The following NFAT5 variants were observed in gnomAD, a reference collection of about 807,000 sequenced individuals.
NFAT5 encodes nuclear factor of activated T cells 5, also known as nuclear factor of activated T-cells 5.
In NFAT5, 31 loss-of-function variants were observed where a neutral mutation model predicts 166.5. The ratio of observed to expected loss-of-function variants is 0.19; its 90% CI spans 0.14 to 0.25. The LOEUF is 0.25. Ranked by LOEUF, NFAT5 falls within the 10% of genes least tolerant of loss-of-function variation. The pLI, the probability that NFAT5 is intolerant of heterozygous loss-of-function variation, is 1.00. For synonymous variants in NFAT5, 612 were observed against 639.7 expected (o/e 0.96, Z 0.65); for missense variants, 1,449 against 1,821.8 (o/e 0.80, Z 3.72).
intron 4 of NFAT5, among the ~76,000 whole-genome samples, chr16:69,652,784 G>T (rs1455977554): frequency 2.1e-5 from 3 of 142,860 alleles, no homozygotes; most frequent in Non-Finnish European, 4.6e-5. Context: ...TTCTTTTACT[G>T]TGCAGTTAAA....
At chr16:69,578,605 C>T (rs2031456553) in intron 2 of NFAT5, among the ~76,000 whole-genome samples, 2 of 152,050 alleles carry the variant, frequency 1.3e-5, no homozygotes, top group Non-Finnish European at 2.9e-5. Context: ...TGACCATAAG[C>T]CAAACACAGA....
At chr16:69,648,450 A>G (rs774142668) in intron 4 of NFAT5, 42 of 947,902 alleles carry the variant, frequency 4.4e-5, no homozygotes, top group Admixed American at 6.2e-5. Context: ...CAGAGTCGAT[A>G]TTTTTTTTAA....
chr16:69,575,415 G>A (rs1037289127), intron 2 of NFAT5, among the ~76,000 whole-genome samples: 15 of 151,760 alleles, frequency 9.9e-5, no homozygotes, highest in African/African-American at 1.5e-4. Context: ...TGATCCGCCC[G>A]CCTCAGCCTC....
chr16:69,607,655 T>C (rs1410709316), intron 2 of NFAT5, among the ~76,000 whole-genome samples: 1 of 152,224 alleles, frequency 6.6e-6, no homozygotes, highest in Non-Finnish European at 1.5e-5. Context: ...GCATAGCCAC[T>C]GGCAAATGGA....
intron 2 of NFAT5, among the ~76,000 whole-genome samples, chr16:69,606,168 GT>G (rs2033397150): frequency 6.6e-6 from 1 of 152,168 alleles, no homozygotes; most frequent in South Asian, 2.1e-4. Context: ...ACCACTCACT[GT>G]TCTCGTCTTT....
chr16:69,689,041 A>G (rs1256234695), intron 11 of NFAT5, among the ~76,000 whole-genome samples: 2 of 152,188 alleles, frequency 1.3e-5, no homozygotes, highest in Non-Finnish European at 2.9e-5. Flanking sequence ...TGGGCAGCCT[A>G]GTAGGGAGGA....
Position 69,566,470 on chromosome 16 carries a change from G to C in NFAT5, c.73+96G>C. On this transcript the variant is annotated intron_variant, in intron 1 of 14. Coordinates refer to ENST00000349945, the MANE Select transcript of NFAT5 (RefSeq NM_138713.4). The surrounding 1 kb of genome is among the most constrained non-coding windows in gnomAD (Gnocchi z 5.7). ...GGCGAGGGGTCCCCGTCCCGCCGGG[G>C]GCGGCTGAGCCGCGACCCCCATGGC... 9.1e-7 allele frequency: 1 copy of C among 1,102,204 alleles called. No homozygotes were observed. The highest frequency in any genetic ancestry group is 1.3e-6 in the Non-Finnish European group (1 of 747,774). The allele number at this position is 1,102,204 out of a possible 1,614,324, so 68.3% of individuals were successfully genotyped here. A position where few individuals can be genotyped will look rare whatever the true frequency, so the allele number is the denominator to read the frequency against.
intron 9 of NFAT5, 103 bp downstream of exon 9, chr16:69,670,391 T>C: frequency 1.4e-6 from 1 of 699,860 alleles, no homozygotes. Flanking sequence ...CTTCTTCCTA[T>C]GGGATTGATA....
intron 2 of NFAT5, among the ~76,000 whole-genome samples, chr16:69,571,761 T>A (rs1255482969): frequency 6.6e-6 from 1 of 151,550 alleles, no homozygotes; most frequent in African/African-American, 2.4e-5. Context: ...TTATTATTTA[T>A]TATTATTATT....
At chr16:69,673,822 C>A (rs956303009) in intron 9 of NFAT5, among the ~76,000 whole-genome samples, 37 of 152,008 alleles carry the variant, frequency 2.4e-4, no homozygotes, top group Non-Finnish European at 1.3e-4. Flanking sequence ...TTTAAAAATA[C>A]CCAGCAGATG....
intron 11 of NFAT5, among the ~76,000 whole-genome samples, chr16:69,688,114 T>TGAACCATTCTCCCGG (rs1297142130): frequency 6.8e-6 from 1 of 147,430 alleles, no homozygotes; most frequent in Non-Finnish European, 1.5e-5. Flanking sequence ...GAGAATGGCG[T>TGAACCATTCTCCCGG]GAACCCGGGA....
chr16:69,614,588 T>A (rs909665278), intron 2 of NFAT5, among the ~76,000 whole-genome samples: 1 of 152,226 alleles, frequency 6.6e-6, no homozygotes, highest in African/African-American at 2.4e-5. Flanking sequence ...TGAGAATAAG[T>A]TGCTGACATG....
chr16:69,615,044 A>ATT (rs1266471315), intron 2 of NFAT5, among the ~76,000 whole-genome samples: 28 of 121,184 alleles, frequency 2.3e-4, no homozygotes, highest in Admixed American at 1.5e-3. Flanking sequence ...TCCCAGCTAA[A>ATT]TTTTTTTTTT....
intron 10 of NFAT5, among the ~76,000 whole-genome samples, chr16:69,677,945 G>C (rs1315984025): frequency 6.6e-6 from 1 of 151,956 alleles, no homozygotes; most frequent in Admixed American, 6.6e-5. Flanking sequence ...CTGAGGTCAG[G>C]GGTTTGAGAT....
chr16:69,569,714 T>C lies in NFAT5; in HGVS notation c.127+1166T>C, dbSNP rs1401586852. Among the ~76,000 whole-genome samples, 6 of 152,232 alleles carry C rather than the reference T, an allele frequency of 3.9e-5. No individual in the cohort carries two copies. The East Asian group carries it at 1.2e-3, about 29-fold the overall frequency. ...AGCATAGCGTCTAGCTTAATAAATGTTAGTTTTTTCCTTTAGTATCAGCTA... is the reference window on the plus strand; with the variant it reads ...AGCATAGCGTCTAGCTTAATAAATGCTAGTTTTTTCCTTTAGTATCAGCTA... On this transcript the variant is annotated intron_variant, in intron 2 of 14. Transcript: ENST00000349945.
chr16:69,663,780 G>C (rs540428225), intron 7 of NFAT5, among the ~76,000 whole-genome samples: 19 of 152,166 alleles, frequency 1.2e-4, no homozygotes, highest in African/African-American at 2.4e-4. Flanking sequence ...GAGAGACTAT[G>C]ATGGGAGGAT....
intron 6 of NFAT5, among the ~76,000 whole-genome samples, chr16:69,657,319 G>A (rs1464398642): frequency 6.6e-6 from 1 of 151,460 alleles, no homozygotes; most frequent in Non-Finnish European, 1.5e-5. Context: ...TAGTAGAGAC[G>A]GGGTTTCACT....
intron 2 of NFAT5, among the ~76,000 whole-genome samples, chr16:69,621,455 G>A (rs1399605633): frequency 6.6e-6 from 1 of 151,956 alleles, no homozygotes; most frequent in Admixed American, 6.6e-5. Context: ...TCTCATCTAA[G>A]TGATTTTGCT....
intron 13 of NFAT5, among the ~76,000 whole-genome samples, chr16:69,694,646 C>T (rs1364399254): frequency 1.3e-5 from 2 of 152,164 alleles, no homozygotes; most frequent in South Asian, 4.1e-4. Context: ...TTTTATGGGT[C>T]TCAATTCTCT....
Sources: allele counts gnomAD v4.1 joint callset (sites outside exome capture counted in the v4.1 genomes callset), GRCh38; gene constraint gnomAD v4.1.1; non-coding constraint Gnocchi (gnomAD v3.1); transcripts MANE v1.5; gene names NCBI Gene and HGNC (gene_info 2026-07-23, HGNC 2026-07-21).